The following S100A8 variants were observed in gnomAD, a reference collection of about 807,000 sequenced individuals.
S100A8 encodes the protein protein S100-A8.
A neutral mutation model predicts 4.2 loss-of-function variants in S100A8; 1 was observed. The ratio of observed to expected loss-of-function variants is 0.24; its 90% CI spans 0.08 to 1.12. S100A8 has a LOEUF of 1.12. Ranked by LOEUF, S100A8 falls within the 50% of genes most tolerant of loss-of-function variation. The probability of loss-of-function intolerance (pLI) is 0.53; values close to 1 mark genes in which losing one functional copy is unlikely to be tolerated. For synonymous variants in S100A8, 41 were observed against 44.7 expected (o/e 0.92, Z 0.33); for missense variants, 96 against 111.8 (o/e 0.86, Z 0.64).
the S100A8 span, among the ~76,000 whole-genome samples, chr1:153,404,865 G>A: frequency 6.6e-6 from 1 of 152,166 alleles, no homozygotes; most frequent in Non-Finnish European, 1.5e-5. Flanking sequence ...AACCACGAAG[G>A]ACCCAGCCAC....
the S100A8 span, chr1:153,419,537 C>T: frequency 7.1e-5 from 41 of 579,442 alleles, no homozygotes; most frequent in African/African-American, 6.7e-4. Flanking sequence ...TGATCTGCCT[C>T]TCACACAGGT....
chr1:153,420,010 A>G, the S100A8 span: 2 of 152,582 alleles, frequency 1.3e-5, no homozygotes, highest in East Asian at 1.9e-4. Flanking sequence ...GGTTTGCTCA[A>G]TGCCAGGACT....
In S100A8 at chr1:153,390,064, A is replaced by T; in HGVS notation, c.*39T>A. The T allele has an allele frequency of 6.4e-7, 1 of 1,569,072 alleles. No individual in the cohort carries two copies. The highest frequency in any genetic ancestry group is 2.3e-5 in the East Asian group (1 of 44,348). ...TTGATGACTTTATTATTCTGCAGGT[A>T]CATGTCCAGGGGCCCAGCCTCTGGG... On this transcript the variant is annotated 3_prime_UTR_variant, in exon 3 of 3. Coordinates refer to ENST00000368733, the MANE Select transcript of S100A8 (RefSeq NM_002964.5).
upstream of S100A8, among the ~76,000 whole-genome samples, chr1:153,395,558 C>G (rs941645027): frequency 2.0e-5 from 3 of 152,186 alleles, no homozygotes; most frequent in African/African-American, 7.2e-5. Flanking sequence ...CAGCCTCTAG[C>G]CAGGCTGTGC....
chr1:153,395,573 C>G (rs969123481), upstream of S100A8, among the ~76,000 whole-genome samples: 23 of 152,188 alleles, frequency 1.5e-4, no homozygotes, highest in Admixed American at 5.2e-4. Flanking sequence ...CTGTGCAGGT[C>G]TGATCTGTCT....
the S100A8 span, among the ~76,000 whole-genome samples, chr1:153,408,490 T>C: frequency 1.3e-5 from 2 of 152,118 alleles, no homozygotes; most frequent in Non-Finnish European, 2.9e-5. Flanking sequence ...AAAGACCAAA[T>C]CTAAGTCTGC....
the S100A8 span, among the ~76,000 whole-genome samples, chr1:153,417,641 A>G: frequency 6.6e-6 from 1 of 152,324 alleles, no homozygotes; most frequent in African/African-American, 2.4e-5. Flanking sequence ...CCAGATCACC[A>G]AGGCCATTGT....
the S100A8 span, among the ~76,000 whole-genome samples, chr1:153,402,287 G>A: frequency 9.2e-5 from 14 of 152,182 alleles, no homozygotes; most frequent in Admixed American, 8.5e-4. Flanking sequence ...ACAATTACAG[G>A]AGCATGCTGG....
chr1:153,404,704 A>G, the S100A8 span, among the ~76,000 whole-genome samples: 66 of 152,336 alleles, frequency 4.3e-4, no homozygotes, highest in African/African-American at 1.4e-3. Flanking sequence ...TATTTTATGC[A>G]GTGTCCTCTG....
At chr1:153,398,308 G>A in the S100A8 span, among the ~76,000 whole-genome samples, 1 of 152,240 alleles carries the variant, frequency 6.6e-6, no homozygotes, top group Non-Finnish European at 1.5e-5. Context: ...TGCTGGGCCT[G>A]TCCAGGTCTG....
At chr1:153,409,443 A>T in the S100A8 span, among the ~76,000 whole-genome samples, 1 of 152,356 alleles carries the variant, frequency 6.6e-6, no homozygotes, top group Admixed American at 6.5e-5. Flanking sequence ...CTAAATATAT[A>T]TGCACCCAAT....
chr1:153,420,424 A>T, the S100A8 span: 4 of 152,120 alleles, frequency 2.6e-5, no homozygotes, highest in African/African-American at 4.8e-5. Flanking sequence ...TATCACTCTT[A>T]CTACTCTGGT....
At chr1:153,411,783 G>A in the S100A8 span, among the ~76,000 whole-genome samples, 568 of 152,170 alleles carry the variant, frequency 3.7e-3, 1 homozygote, top group Non-Finnish European at 6.5e-3. Context: ...CCAAAACAGA[G>A]GTATAGAGCA....
chr1:153,396,752 A>T, the S100A8 span: 1 of 152,352 alleles, frequency 6.6e-6, no homozygotes, highest in Middle Eastern at 3.4e-3. Flanking sequence ...GTGATATAGT[A>T]TGGCTCCTTC....
chr1:153,404,383 C>T, the S100A8 span, among the ~76,000 whole-genome samples: 5 of 152,166 alleles, frequency 3.3e-5, no homozygotes, highest in East Asian at 1.9e-4. Flanking sequence ...CCTCTGGCAA[C>T]CAGCCCCATC....
the S100A8 span, among the ~76,000 whole-genome samples, chr1:153,410,256 G>A: frequency 6.6e-6 from 1 of 152,190 alleles, no homozygotes; most frequent in African/African-American, 2.4e-5. Context: ...GAAGAAAAGA[G>A]AGAAGAATCA....
chr1:153,398,795 G>C, the S100A8 span, among the ~76,000 whole-genome samples: 1 of 152,140 alleles, frequency 6.6e-6, no homozygotes, highest in African/African-American at 2.4e-5. Context: ...TTTACCCCCA[G>C]TTTCCTAAGG....
chr1:153,413,462 A>G, the S100A8 span, among the ~76,000 whole-genome samples: 2 of 152,174 alleles, frequency 1.3e-5, no homozygotes, highest in Admixed American at 6.5e-5. Context: ...CTGCACCATT[A>G]CTGGTGTTTT....
the S100A8 span, among the ~76,000 whole-genome samples, chr1:153,396,119 C>G: frequency 6.6e-6 from 1 of 152,214 alleles, no homozygotes; most frequent in Non-Finnish European, 1.5e-5. Flanking sequence ...CAGATAGGGC[C>G]CCCTGGAATC....
Sources: gnomAD v4.1 joint callset for allele counts (sites outside exome capture counted in the v4.1 genomes callset) on GRCh38, gnomAD v4.1.1 for gene constraint, MANE v1.5 for transcripts, NCBI Gene and HGNC (gene_info 2026-07-23, HGNC 2026-07-21) for gene names.